The following PSMB3 variants were observed in gnomAD, a reference collection of about 807,000 sequenced individuals.
The protein encoded by PSMB3 is proteasome subunit beta type-3.
PSMB3 carries 5 observed loss-of-function variants against 23.3 expected under a neutral mutation model. The observed-to-expected ratio is 0.21, with a 90% CI of 0.11 to 0.45. The LOEUF is 0.45. Among genes scored for constraint, PSMB3 ranks in the 20% least tolerant of loss-of-function variants. The probability of loss-of-function intolerance (pLI) is 0.99; values close to 1 mark genes in which losing one functional copy is unlikely to be tolerated. For synonymous variants in PSMB3, 85 were observed against 99.8 expected, an observed-to-expected ratio of 0.85 and a Z score of 0.88; for missense variants, 192 against 277.9, an observed-to-expected ratio of 0.69 and a Z score of 2.20.
At chr17:38,753,364 A>T (rs1471621200) in intron 2 of PSMB3, 30 bp downstream of exon 2, 4 of 1,602,496 alleles carry the variant, frequency 2.5e-6, no homozygotes, top group Non-Finnish European at 3.4e-6. Flanking sequence ...GCCCACACCC[A>T]GGCCTCTTCT....
intron 3 of PSMB3, among the ~76,000 whole-genome samples, chr17:38,756,716 G>A (rs971761282): frequency 2.0e-5 from 3 of 151,908 alleles, no homozygotes; most frequent in Non-Finnish European, 4.4e-5. Context: ...GGCTGGTCTC[G>A]AACTCCTGAC....
intron 2 of PSMB3, among the ~76,000 whole-genome samples, chr17:38,754,715 T>G (rs1171142920): frequency 2.6e-5 from 4 of 152,190 alleles, no homozygotes; most frequent in African/African-American, 9.7e-5. Context: ...CTGCGTTTGC[T>G]TCCTTCTGGG....
At chr17:38,756,320 G>A (rs939630394) in intron 3 of PSMB3, among the ~76,000 whole-genome samples, 2 of 152,146 alleles carry the variant, frequency 1.3e-5, no homozygotes, top group African/African-American at 4.8e-5. Context: ...GGAATAGCAG[G>A]GAGCCTAGGA....
At position 38,760,426 on chromosome 17, in the gene PSMB3, C is replaced by A; in HGVS notation, c.297-5C>A. The A allele has an allele frequency of 1.2e-5, 20 of 1,613,108 alleles. No individual in the cohort carries two copies. The highest frequency in any genetic ancestry group is 1.7e-5 in the Non-Finnish European group (20 of 1,179,568). ...GGTTTCTCTCTCTGATGCTGGCCCC[C>A]ACAGGTTTGGCCCTTACTACACTGA... On this transcript the variant is annotated splice_region_variant and splice_polypyrimidine_tract_variant and intron_variant, in intron 3 of 5. Transcript: ENST00000619426.
chr17:38,761,489 G>T (rs1397093730), intron 4 of PSMB3, among the ~76,000 whole-genome samples: 1 of 152,116 alleles, frequency 6.6e-6, no homozygotes, highest in East Asian at 1.9e-4. Context: ...CAGCTCTTCC[G>T]GCCACTGGGG....
intron 5 of PSMB3, 41 bp downstream of exon 5, chr17:38,762,546 C>T (rs1261489169): frequency 6.5e-7 from 1 of 1,547,444 alleles, no homozygotes; most frequent in Non-Finnish European, 8.9e-7. Context: ...TCTGCAGACA[C>T]CCTGCCTCTC....
chr17:38,755,690 G>GTGTGTT (rs1908161319), intron 2 of PSMB3, among the ~76,000 whole-genome samples, 193 bp from the exon 3 acceptor site: 1 of 133,222 alleles, frequency 7.5e-6, no homozygotes, highest in Non-Finnish European at 1.6e-5. Flanking sequence ...ATATGTGTGT[G>GTGTGTT]TGTGTGTGTG....
intron 3 of PSMB3, among the ~76,000 whole-genome samples, chr17:38,757,243 G>A (rs1908241575): frequency 1.3e-5 from 2 of 151,966 alleles, no homozygotes; most frequent in Admixed American, 6.6e-5. Context: ...GGCTTGCTGG[G>A]CGTGGTGGCT....
chr17:38,763,497 CTTTT>C (rs67563765), intron 5 of PSMB3, among the ~76,000 whole-genome samples: 5 of 76,028 alleles, frequency 6.6e-5, no homozygotes, highest in Non-Finnish European at 9.8e-5. Context: ...CTTCTTCCCC[CTTTT>C]TTTTTTTTTT....
At chr17:38,763,201 A>G (rs1908517991) in intron 5 of PSMB3, among the ~76,000 whole-genome samples, 1 of 152,022 alleles carries the variant, frequency 6.6e-6, no homozygotes, top group Non-Finnish European at 1.5e-5. Flanking sequence ...AAAGATACAT[A>G]AAATTAGCCA....
Position 38,752,945 on chromosome 17 carries a change from C to G in PSMB3, c.3+116C>G. The G allele has an allele frequency of 6.8e-7, 1 of 1,468,200 alleles. No individual in the cohort carries two copies. Among genetic ancestry groups the G allele is most frequent in the East Asian group, 2.3e-5 (1 of 43,924 alleles). The allele number at this position is 1,468,200 out of a possible 1,614,324, so 90.9% of individuals were successfully genotyped here. A position where few individuals can be genotyped will look rare whatever the true frequency, so the allele number is the denominator to read the frequency against. ...TCGATGGAAGGAAGCGGTTTCAGTTCGAGGGGAGCGGGCCCCGGTGAGGAC... is the reference window on the plus strand; with the variant it reads ...TCGATGGAAGGAAGCGGTTTCAGTTGGAGGGGAGCGGGCCCCGGTGAGGAC... On this transcript the variant is annotated intron_variant, in intron 1 of 5. Coordinates refer to ENST00000619426, the MANE Select transcript of PSMB3 (RefSeq NM_002795.4). This position sits in a 1 kb window ranked among gnomAD's most constrained non-coding sequence, Gnocchi z 5.5.
intron 4 of PSMB3, 95 bp downstream of exon 4, chr17:38,760,703 T>C (rs1908398985): frequency 7.2e-7 from 1 of 1,383,570 alleles, no homozygotes; most frequent in Non-Finnish European, 9.9e-7. Flanking sequence ...ATGGGGAGAA[T>C]GGTGCAGGTG....
At chr17:38,757,146 G>C (rs556759825) in intron 3 of PSMB3, among the ~76,000 whole-genome samples, 36 of 148,042 alleles carry the variant, frequency 2.4e-4, no homozygotes, top group Non-Finnish European at 5.0e-4. Context: ...TTCTCAAAGT[G>C]CTGGGATTAC....
chr17:38,760,771 G>T (rs563273411), intron 4 of PSMB3, among the ~76,000 whole-genome samples, 163 bp downstream of exon 4: 1 of 152,360 alleles, frequency 6.6e-6, no homozygotes, highest in Non-Finnish European at 1.5e-5. Context: ...CCATCTGCCA[G>T]GCTGGCTGGC....
At chr17:38,760,654 C>A (rs369744707) in intron 4 of PSMB3, 46 bp downstream of exon 4, 181 of 1,607,170 alleles carry the variant, frequency 1.1e-4, no homozygotes, top group Non-Finnish European at 1.3e-4. Context: ...GTTACCCACC[C>A]TTGGTCATTA....
In PSMB3 at chr17:38,752,765, A is replaced by T; in HGVS notation, c.-62A>T. ...CAGCAGTGAGAGCGGTTGCGCAGTG[A>T]AGGCTAGACCCGGTTTACTGGAATT... is the stretch of plus-strand genomic sequence containing the variant. On this transcript the variant is annotated 5_prime_UTR_variant, in exon 1 of 6. Coordinates refer to ENST00000619426, the MANE Select transcript of PSMB3 (RefSeq NM_002795.4). The surrounding 1 kb of genome is among the most constrained non-coding windows in gnomAD (Gnocchi z 5.5). 2 of 1,607,980 alleles carry T rather than the reference A, an allele frequency of 1.2e-6. No individual in the cohort carries two copies. The highest frequency in any genetic ancestry group is 1.7e-6 in the Non-Finnish European group (2 of 1,174,408).
chr17:38,753,461 C>G, intron 2 of PSMB3, 127 bp downstream of exon 2: 2 of 949,504 alleles, frequency 2.1e-6, no homozygotes, highest in Non-Finnish European at 3.1e-6. Context: ...TTGCCGCCTC[C>G]AAAAAACATG....
chr17:38,763,563 A>G (rs763497147), intron 5 of PSMB3, among the ~76,000 whole-genome samples: 2 of 127,352 alleles, frequency 1.6e-5, no homozygotes, highest in Non-Finnish European at 3.1e-5. Context: ...GTGCAATGGC[A>G]CTATCTCAGC....
intron 3 of PSMB3, among the ~76,000 whole-genome samples, chr17:38,756,557 G>A (rs137861885): frequency 1.6e-4 from 24 of 151,932 alleles, no homozygotes; most frequent in African/African-American, 4.6e-4. Context: ...GTGCAGTGGC[G>A]TGATCTCGGC....
Sources: allele counts gnomAD v4.1 joint callset (sites outside exome capture counted in the v4.1 genomes callset), GRCh38; gene constraint gnomAD v4.1.1; non-coding constraint Gnocchi (gnomAD v3.1); transcripts MANE v1.5; gene names NCBI Gene and HGNC (gene_info 2026-07-23, HGNC 2026-07-21).